EXOC6B: variants seen among roughly 807,000 people sequenced by gnomAD.
EXOC6B encodes the protein SEC15 homolog B.
EXOC6B carries 54 observed loss-of-function variants against 113.5 expected under a neutral mutation model. The observed-to-expected ratio is 0.48, with a 90% confidence interval of 0.38 to 0.60. The LOEUF (loss-of-function observed/expected upper bound fraction) is 0.60, where lower values mean the gene tolerates loss of function less well. EXOC6B is among the 20% of genes least tolerant of loss of function. The probability of loss-of-function intolerance (pLI) is 0.00; values close to 1 mark genes in which losing one functional copy is unlikely to be tolerated. For missense variants in EXOC6B, 797 were observed against 977.5 expected (o/e 0.82, Z 2.46); for synonymous variants, 357 against 339.0 (o/e 1.05, Z -0.58).
intron 18 of EXOC6B, among the ~76,000 whole-genome samples, chr2:72,441,651 A>G (rs1317661725): frequency 6.6e-6 from 1 of 152,220 alleles, no homozygotes; most frequent in African/African-American, 2.4e-5. Flanking sequence ...GAACTAATCG[A>G]TAAGTTTCTG....
chr2:72,371,560 A>G (rs989404940), intron 19 of EXOC6B, among the ~76,000 whole-genome samples: 1 of 152,234 alleles, frequency 6.6e-6, no homozygotes, highest in Non-Finnish European at 1.5e-5. Flanking sequence ...GTGATACAAC[A>G]TATGAAGAGA....
intron 1 of EXOC6B, among the ~76,000 whole-genome samples, chr2:72,767,831 A>AAAAAAAAAAAAAAAAAAAC (rs1204403797): frequency 7.0e-6 from 1 of 142,856 alleles, no homozygotes; most frequent in Non-Finnish European, 1.5e-5. Flanking sequence ...AAAAAAAAAA[A>AAAAAAAAAAAAAAAAAAAC]AAGACCAAGT....
intron 17 of EXOC6B, among the ~76,000 whole-genome samples, chr2:72,473,519 T>C (rs981475299): frequency 6.6e-6 from 1 of 152,126 alleles, no homozygotes; most frequent in East Asian, 1.9e-4. Context: ...AACATTTGCA[T>C]GGAATATCTT....
chr2:72,571,013 T>C (rs1704481302), intron 7 of EXOC6B, among the ~76,000 whole-genome samples: 1 of 152,174 alleles, frequency 6.6e-6, no homozygotes, highest in Non-Finnish European at 1.5e-5. Flanking sequence ...TCAGTAGATA[T>C]TATCACCCTC....
At chr2:72,422,792 C>A (rs1401326222) in intron 18 of EXOC6B, among the ~76,000 whole-genome samples, 1 of 152,118 alleles carries the variant, frequency 6.6e-6, no homozygotes, top group African/African-American at 2.4e-5. Context: ...CCTTGGAGAA[C>A]CTGTGTGTCC....
At chr2:72,815,131 C>G (rs1185717876) in intron 1 of EXOC6B, among the ~76,000 whole-genome samples, 1 of 152,182 alleles carries the variant, frequency 6.6e-6, no homozygotes, top group African/African-American at 2.4e-5. Flanking sequence ...TGTACATACT[C>G]GTCATGCATT....
intron 20 of EXOC6B, chr2:72,263,187 GA>G (rs1431981182): frequency 6.6e-6 from 1 of 152,214 alleles, no homozygotes; most frequent in East Asian, 1.9e-4. Flanking sequence ...CAGCCTGCCA[GA>G]GGAGGTTAAC....
chr2:72,624,014 A>G (rs1275018159), intron 6 of EXOC6B, among the ~76,000 whole-genome samples: 1 of 152,200 alleles, frequency 6.6e-6, no homozygotes, highest in African/African-American at 2.4e-5. Context: ...ATAACAAAAA[A>G]CTAAATGCCG....
Position 72,741,431 on chromosome 2 carries a change from T to C in EXOC6B, c.152A>G (p.Glu51Gly), listed in dbSNP as rs750946523. ...ATTACGGATACGAGTTTCAAGCTTC[T>C]CCATGAAACGTCCATGTTCTTCACC... Reference protein sequence around the residue: ...YDGEEHGRFMEKLETRIRNHD... With the variant: ...YDGEEHGRFMGKLETRIRNHD... Residue 51 changes from glutamate to glycine, a missense_variant, in exon 2 of 22, where the codon GAG becomes GGG. Physicochemically the swap from Glu to Gly is moderately conservative, Grantham distance 98 (BLOSUM62 -2). Coordinates refer to ENST00000272427, the MANE Select transcript of EXOC6B (RefSeq NM_015189.3). 6 of 1,613,462 alleles carry C rather than the reference T, an allele frequency of 3.7e-6. No homozygotes were observed. In the South Asian group the frequency reaches 4.4e-5, roughly 12 times the overall value.
intron 20 of EXOC6B, among the ~76,000 whole-genome samples, chr2:72,202,133 A>G (rs187145422): frequency 6.6e-6 from 1 of 152,288 alleles, no homozygotes; most frequent in Non-Finnish European, 1.5e-5. Flanking sequence ...TGTATTTATC[A>G]TTTCTGGTCT....
intron 6 of EXOC6B, among the ~76,000 whole-genome samples, chr2:72,640,968 A>G (rs190582370): frequency 6.6e-6 from 1 of 152,290 alleles, no homozygotes; most frequent in Non-Finnish European, 1.5e-5. Flanking sequence ...CCAGATTCAT[A>G]AAGCAAGTGC....
intron 20 of EXOC6B, among the ~76,000 whole-genome samples, chr2:72,241,046 C>T (rs1215333794): frequency 2.6e-5 from 4 of 152,086 alleles, no homozygotes; most frequent in Admixed American, 1.3e-4. Context: ...CAGCTAGAGG[C>T]TTATTGTGGA....
chr2:72,676,664 C>T (rs1488020668), intron 6 of EXOC6B, among the ~76,000 whole-genome samples: 2 of 152,196 alleles, frequency 1.3e-5, no homozygotes, highest in Non-Finnish European at 2.9e-5. Flanking sequence ...GCTACCTGCA[C>T]AGACTACATA....
chr2:72,427,955 T>A (rs1407100821), intron 18 of EXOC6B, among the ~76,000 whole-genome samples: 1 of 152,116 alleles, frequency 6.6e-6, no homozygotes, highest in Non-Finnish European at 1.5e-5. Flanking sequence ...AGAGAGGAGC[T>A]ACCCTCTCTG....
At chr2:72,547,464 T>A (rs1702974621) in intron 8 of EXOC6B, among the ~76,000 whole-genome samples, 1 of 152,186 alleles carries the variant, frequency 6.6e-6, no homozygotes, top group African/African-American at 2.4e-5. Flanking sequence ...CATGAGAAGA[T>A]GATGTACATA....
At chr2:72,635,373 A>C (rs1231562513) in intron 6 of EXOC6B, among the ~76,000 whole-genome samples, 1 of 152,314 alleles carries the variant, frequency 6.6e-6, no homozygotes, top group African/African-American at 2.4e-5. Flanking sequence ...AACAATGGCT[A>C]TCACCATGGG....
At chr2:72,401,623 A>ATATATATATATATATATATATG (rs1693296327) in intron 18 of EXOC6B, among the ~76,000 whole-genome samples, 1 of 36,334 alleles carries the variant, frequency 2.8e-5, no homozygotes, top group East Asian at 5.8e-4. Flanking sequence ...ATATATATAC[A>ATATATATATATATATATATATG]TATATATATA....
intron 6 of EXOC6B, among the ~76,000 whole-genome samples, chr2:72,589,837 A>C (rs907543285): frequency 2.0e-5 from 3 of 152,000 alleles, no homozygotes; most frequent in Non-Finnish European, 4.4e-5. Flanking sequence ...AATGGAAAAA[A>C]AAAATGATGT....
chr2:72,229,689 A>G (rs1460380829), intron 20 of EXOC6B, among the ~76,000 whole-genome samples: 1 of 152,244 alleles, frequency 6.6e-6, no homozygotes, highest in Non-Finnish European at 1.5e-5. Flanking sequence ...TGTTTATTAT[A>G]GAGTCACCTG....
Sources: allele counts gnomAD v4.1 joint callset (sites outside exome capture counted in the v4.1 genomes callset), GRCh38; gene constraint gnomAD v4.1.1; transcripts MANE v1.5; gene names NCBI Gene and HGNC (gene_info 2026-07-23, HGNC 2026-07-21).